The following FILIP1L variants were observed in gnomAD, a reference collection of about 807,000 sequenced individuals.
FILIP1L encodes the protein filamin A interacting protein 1 like.
In FILIP1L, 55 loss-of-function variants were observed where a neutral mutation model predicts 96.6. That is an observed-to-expected ratio of 0.57 (90% CI 0.46 to 0.71). The LOEUF (loss-of-function observed/expected upper bound fraction) is 0.71, where lower values mean the gene tolerates loss of function less well. FILIP1L is among the 30% of genes least tolerant of loss of function. The pLI, the probability that FILIP1L is intolerant of heterozygous loss-of-function variation, is 0.00. For missense variants in FILIP1L, 1,304 were observed against 1,321.2 expected (o/e 0.99, Z 0.20); for synonymous variants, 467 against 473.9 (o/e 0.99, Z 0.19).
intron 4 of FILIP1L, among the ~76,000 whole-genome samples, chr3:99,913,300 C>T (rs144798830): frequency 6.6e-6 from 1 of 152,304 alleles, no homozygotes; most frequent in East Asian, 1.9e-4. Context: ...TTCCAATGCA[C>T]CATTTTACAT....
At chr3:99,841,648 A>G (rs1377073444) in intron 5 of FILIP1L, among the ~76,000 whole-genome samples, 2 of 152,218 alleles carry the variant, frequency 1.3e-5, no homozygotes, top group Non-Finnish European at 2.9e-5. Context: ...AAACAGGCGC[A>G]ATCCCATCAT....
intron 1 of FILIP1L, among the ~76,000 whole-genome samples, chr3:99,966,603 C>T (rs1035397987): frequency 2.0e-5 from 3 of 152,136 alleles, no homozygotes; most frequent in African/African-American, 7.2e-5. Context: ...TTACTCAGAA[C>T]CCTTCGCTCT....
At chr3:99,907,218 TTATCTTAAC>T (rs1421440765) in intron 4 of FILIP1L, among the ~76,000 whole-genome samples, 11 of 152,150 alleles carry the variant, frequency 7.2e-5, no homozygotes, top group African/African-American at 2.6e-4. Context: ...TGTGGAATAG[TTATCTTAAC>T]TACCTATTAC....
rs537771485 is a variant in FILIP1L at position 99,910,940 on chromosome 3, G to A, written c.605+13290C>T. On this transcript the variant is annotated intron_variant, in intron 4 of 5. Coordinates refer to ENST00000477258, the MANE Select transcript of FILIP1L (RefSeq NM_001387850.1). Reference sequence around the variant, plus strand: ...CAACCCTTTTCAAGGATGAAGAGATGGAGACTGGCCTGTCTTCTTGGCAGA... The same window carrying A: ...CAACCCTTTTCAAGGATGAAGAGATAGAGACTGGCCTGTCTTCTTGGCAGA... 2.9e-4 allele frequency among the ~76,000 whole-genome samples: 44 copies of A among 152,286 alleles called. 1 individual carries two copies. The South Asian group carries it at 8.3e-3, about 29-fold the overall frequency.
Position 99,837,041 on chromosome 3 carries a change from T to G in FILIP1L, c.3382-6436A>C, listed in dbSNP as rs544121687. Among the ~76,000 whole-genome samples, 469 of 152,338 alleles carry G rather than the reference T, an allele frequency of 3.1e-3. 1 individual carries two copies. The highest frequency in any genetic ancestry group is 5.0e-3 in the Non-Finnish European group (341 of 68,024). On this transcript the variant is annotated intron_variant, in intron 5 of 5. Coordinates refer to ENST00000477258, the MANE Select transcript of FILIP1L (RefSeq NM_001387850.1). The stretch of plus-strand genomic sequence containing the variant: ...AAATAGTAATAATCGTCCATTGTTC[T>G]CCCTAGTCTTCTCATTGTCCTTAGA...
chr3:99,869,902 G>A (rs189455255), intron 4 of FILIP1L, among the ~76,000 whole-genome samples: 1 of 152,330 alleles, frequency 6.6e-6, no homozygotes, highest in Non-Finnish European at 1.5e-5. Flanking sequence ...TTAGAGGACT[G>A]ACCTCAGCCT....
chr3:99,914,483 G>A (rs1182956183), intron 4 of FILIP1L, among the ~76,000 whole-genome samples: 1 of 151,824 alleles, frequency 6.6e-6, no homozygotes, highest in Non-Finnish European at 1.5e-5. Flanking sequence ...CAAGTCAGTG[G>A]GAAAGTCTGA....
At chr3:99,949,811 C>T (rs1708122685) in intron 1 of FILIP1L, among the ~76,000 whole-genome samples, 1 of 152,148 alleles carries the variant, frequency 6.6e-6, no homozygotes, top group Non-Finnish European at 1.5e-5. Context: ...ATGAGACTTA[C>T]ATGTAGAAAT....
At chr3:100,005,982 A>G (rs1275157703) in intron 1 of FILIP1L, among the ~76,000 whole-genome samples, 1 of 152,206 alleles carries the variant, frequency 6.6e-6, no homozygotes. Flanking sequence ...TGCCAGAACC[A>G]GAATGGAGAA....
intron 1 of FILIP1L, among the ~76,000 whole-genome samples, chr3:99,936,369 C>CTTTTT (rs548149257): frequency 5.4e-4 from 47 of 86,366 alleles, no homozygotes; most frequent in Admixed American, 6.9e-4. Flanking sequence ...AGCTTGAAGC[C>CTTTTT]TTTTTTTTTT....
chr3:100,050,103 T>G (rs1050110172), intron 1 of FILIP1L, among the ~76,000 whole-genome samples: 1 of 152,244 alleles, frequency 6.6e-6, no homozygotes, highest in East Asian at 1.9e-4. Flanking sequence ...ACCTGTGGAA[T>G]GAATCTATTA....
At chr3:100,016,234 C>T (rs1028924415) in intron 1 of FILIP1L, among the ~76,000 whole-genome samples, 2 of 152,260 alleles carry the variant, frequency 1.3e-5, no homozygotes, top group Admixed American at 6.5e-5. Context: ...CTCTTGTTGC[C>T]CAGGCTGGAG....
intron 1 of FILIP1L, among the ~76,000 whole-genome samples, chr3:99,980,497 A>G (rs922965272): frequency 6.6e-6 from 1 of 152,184 alleles, no homozygotes; most frequent in African/African-American, 2.4e-5. Flanking sequence ...GTAGTTTACA[A>G]TAAGTGGAAT....
At chr3:100,067,028 CT>C (rs2065677858) in intron 1 of FILIP1L, among the ~76,000 whole-genome samples, 1 of 152,158 alleles carries the variant, frequency 6.6e-6, no homozygotes, top group Non-Finnish European at 1.5e-5. Flanking sequence ...GTCAAGTGTG[CT>C]TTGTATTCAG....
At chr3:100,088,953 G>A (rs1277687563) in intron 1 of FILIP1L, among the ~76,000 whole-genome samples, 3 of 152,012 alleles carry the variant, frequency 2.0e-5, no homozygotes, top group African/African-American at 7.3e-5. Context: ...CACTAAGTAA[G>A]TCACTGTTTG....
At chr3:100,087,686 A>G (rs1027910661) in intron 1 of FILIP1L, among the ~76,000 whole-genome samples, 7 of 151,936 alleles carry the variant, frequency 4.6e-5, no homozygotes, top group African/African-American at 1.7e-4. Flanking sequence ...TTGCCATTTC[A>G]TTATATTAAT....
chr3:99,908,634 T>G (rs1706696212), intron 4 of FILIP1L, among the ~76,000 whole-genome samples: 1 of 152,190 alleles, frequency 6.6e-6, no homozygotes. Flanking sequence ...GTCTTTGAGC[T>G]TCTTCAGGGT....
chr3:99,998,840 A>G (rs1476202338), intron 1 of FILIP1L, among the ~76,000 whole-genome samples: 2 of 152,204 alleles, frequency 1.3e-5, no homozygotes, highest in Non-Finnish European at 2.9e-5. Context: ...AAGTAATGGG[A>G]TTACAGGCGT....
At chr3:100,089,440 CA>C (rs1223709242) in intron 1 of FILIP1L, among the ~76,000 whole-genome samples, 1 of 152,158 alleles carries the variant, frequency 6.6e-6, no homozygotes, top group African/African-American at 2.4e-5. Context: ...TAACTTTATG[CA>C]AGTAATGGAT....
Sources: gnomAD v4.1 joint callset for allele counts (sites outside exome capture counted in the v4.1 genomes callset) on GRCh38, gnomAD v4.1.1 for gene constraint, MANE v1.5 for transcripts, NCBI Gene and HGNC (gene_info 2026-07-23, HGNC 2026-07-21) for gene names.